Variants in CRIM1 observed in about 807,000 individuals in gnomAD.
The protein encoded by CRIM1 is cysteine-rich motor neuron 1 protein.
A neutral mutation model predicts 116.4 loss-of-function variants in CRIM1; 32 were observed. That is an observed-to-expected ratio of 0.27 (90% CI 0.21 to 0.37). The LOEUF (loss-of-function observed/expected upper bound fraction) is 0.37. CRIM1 is among the 10% of genes least tolerant of loss of function. CRIM1 has a pLI of 1.00. For missense variants in CRIM1, 1,331 were observed against 1,354.8 expected (o/e 0.98, Z 0.28); for synonymous variants, 590 against 509.2 (o/e 1.16, Z -2.13).
chr2:36,494,904 G>A (rs1321107013), intron 7 of CRIM1, among the ~76,000 whole-genome samples: 2 of 152,070 alleles, frequency 1.3e-5, no homozygotes, highest in Non-Finnish European at 2.9e-5. Flanking sequence ...AGAATTTCAA[G>A]GTGATCCTAT....
At chr2:36,372,501 T>C (rs1205023036) in intron 1 of CRIM1, among the ~76,000 whole-genome samples, 1 of 152,202 alleles carries the variant, frequency 6.6e-6, no homozygotes, top group Non-Finnish European at 1.5e-5. Context: ...AAAACCTTGA[T>C]ACATTTGGTG....
intron 2 of CRIM1, among the ~76,000 whole-genome samples, chr2:36,399,372 T>C (rs756240706): frequency 5.9e-5 from 9 of 152,202 alleles, no homozygotes; most frequent in African/African-American, 9.7e-5. Context: ...TTCAGCTGTT[T>C]AGATGTGTTA....
chr2:36,544,187 A>G (rs1407466872), intron 14 of CRIM1, among the ~76,000 whole-genome samples, 189 bp from the exon 15 acceptor site: 7 of 152,228 alleles, frequency 4.6e-5, no homozygotes, highest in African/African-American at 1.7e-4. Flanking sequence ...GTTATAAGAC[A>G]TGTTTCTCCT....
chr2:36,419,579 A>G (rs1274201182), intron 2 of CRIM1, among the ~76,000 whole-genome samples: 3 of 152,164 alleles, frequency 2.0e-5, no homozygotes, highest in African/African-American at 7.2e-5. Flanking sequence ...CTTACTTACC[A>G]CATTGAAGAG....
intron 14 of CRIM1, among the ~76,000 whole-genome samples, chr2:36,543,135 A>G (rs1667066897): frequency 1.3e-5 from 2 of 152,178 alleles, no homozygotes; most frequent in African/African-American, 4.8e-5. Flanking sequence ...CTTGGAGGCA[A>G]CAAGATAACT....
At chr2:36,431,060 G>C (rs1030782130) in intron 2 of CRIM1, among the ~76,000 whole-genome samples, 4 of 152,124 alleles carry the variant, frequency 2.6e-5, no homozygotes, top group Non-Finnish European at 5.9e-5. Flanking sequence ...CATGTAAGAG[G>C]ACTGTGTGTG....
chr2:36,442,701 C>G lies in CRIM1; in HGVS notation c.835C>G (p.Leu279Val), dbSNP rs1429446605. 2 of 1,614,190 alleles carry G rather than the reference C, an allele frequency of 1.2e-6. No individual in the cohort carries two copies. Among genetic ancestry groups the G allele is most frequent in the Middle Eastern group, 1.7e-4 (1 of 6,058 alleles). ...GGACAGCTATGAAACTCAAGTCAGACTAACTGCAGATGGTTGCTGTACTTT... is the reference window on the plus strand; with the variant it reads ...GGACAGCTATGAAACTCAAGTCAGAGTAACTGCAGATGGTTGCTGTACTTT... ...PPDSYETQVR[L>V]TADGCCTLPT... Residue 279 changes from leucine to valine, a missense_variant, in exon 4 of 17, where the codon CTA becomes GTA. Leu to Val is a conservative substitution (Grantham distance 32). This residue lies in a region of CRIM1 where 690 missense variants were observed against 676.0 expected (regional missense o/e 1.02). Transcript: ENST00000280527.
intron 2 of CRIM1, among the ~76,000 whole-genome samples, chr2:36,410,401 T>A (rs1673116293): frequency 6.6e-6 from 1 of 152,214 alleles, no homozygotes; most frequent in Non-Finnish European, 1.5e-5. Context: ...TTTTTCTTAA[T>A]ATATCCATTT....
At chr2:36,504,418 T>C (rs1183953870) in intron 8 of CRIM1, among the ~76,000 whole-genome samples, 1 of 152,234 alleles carries the variant, frequency 6.6e-6, no homozygotes, top group Non-Finnish European at 1.5e-5. Flanking sequence ...GCAGTCACAT[T>C]AGGATTGAAA....
intron 4 of CRIM1, among the ~76,000 whole-genome samples, chr2:36,455,778 A>G (rs1213489927): frequency 6.6e-6 from 1 of 152,092 alleles, no homozygotes; most frequent in Non-Finnish European, 1.5e-5. Flanking sequence ...AACAAATTCG[A>G]GTGGTGCATT....
intron 15 of CRIM1, among the ~76,000 whole-genome samples, chr2:36,545,104 T>A (rs564133784): frequency 1.3e-5 from 2 of 152,198 alleles, no homozygotes; most frequent in Non-Finnish European, 2.9e-5. Context: ...TCTTGATCAG[T>A]AGTATAAACT....
chr2:36,524,197 T>G (rs1486686249), intron 13 of CRIM1, among the ~76,000 whole-genome samples: 1 of 152,200 alleles, frequency 6.6e-6, no homozygotes, highest in Non-Finnish European at 1.5e-5. Flanking sequence ...GCCCTGCATT[T>G]TAGCACCGGC....
chr2:36,423,213 A>G (rs1041295585), intron 2 of CRIM1, among the ~76,000 whole-genome samples: 3 of 152,226 alleles, frequency 2.0e-5, no homozygotes, highest in East Asian at 3.8e-4. Context: ...ATTTCAGCAT[A>G]CTATTTAAGG....
At chr2:36,450,285 G>A (rs76743384) in intron 4 of CRIM1, among the ~76,000 whole-genome samples, 1 of 152,204 alleles carries the variant, frequency 6.6e-6, no homozygotes, top group Non-Finnish European at 1.5e-5. Context: ...ATGGCTACTT[G>A]CTGGCTCCTG....
At chr2:36,444,852 C>T (rs1325047897) in intron 4 of CRIM1, among the ~76,000 whole-genome samples, 2 of 152,334 alleles carry the variant, frequency 1.3e-5, no homozygotes, top group South Asian at 2.1e-4. Flanking sequence ...GCAGCTTCTA[C>T]CTCTCCTTCA....
At chr2:36,504,754 G>A (rs1198131723) in intron 8 of CRIM1, among the ~76,000 whole-genome samples, 2 of 152,170 alleles carry the variant, frequency 1.3e-5, no homozygotes, top group Admixed American at 6.5e-5. Context: ...TCTTTAACCA[G>A]TGTCTTTTGC....
intron 2 of CRIM1, among the ~76,000 whole-genome samples, chr2:36,421,725 T>C (rs951879895): frequency 3.9e-5 from 6 of 152,246 alleles, no homozygotes; most frequent in African/African-American, 1.2e-4. Flanking sequence ...GCCATTACCT[T>C]GGAGGCCCAT....
At chr2:36,441,235 T>C (rs773057254) in intron 2 of CRIM1, 23 bp from the exon 3 acceptor site, 6 of 1,613,976 alleles carry the variant, frequency 3.7e-6, no homozygotes, top group Non-Finnish European at 5.1e-6. Context: ...GGGCATAAGC[T>C]AAATTCTTTC....
intron 15 of CRIM1, among the ~76,000 whole-genome samples, chr2:36,545,307 C>G (rs2125191286): frequency 6.6e-6 from 1 of 152,248 alleles, no homozygotes; most frequent in African/African-American, 2.4e-5. Flanking sequence ...AATTCCTGGA[C>G]CTAGTGTTTT....
Sources: allele counts gnomAD v4.1 joint callset (sites outside exome capture counted in the v4.1 genomes callset), GRCh38; gene constraint gnomAD v4.1.1; regional missense constraint gnomAD v4.1.1; transcripts MANE v1.5; gene names NCBI Gene and HGNC (gene_info 2026-07-23, HGNC 2026-07-21).